BPIFB1: variants seen among roughly 807,000 people sequenced by gnomAD.
The protein encoded by BPIFB1 is BPI fold containing family B member 1, also known as BPI fold-containing family B member 1.
Under a neutral mutation model 55.1 loss-of-function variants are expected in BPIFB1, and 34 were observed. That is an observed-to-expected ratio of 0.62 (90% confidence interval 0.47 to 0.82). The LOEUF is 0.82. Ranked by LOEUF, BPIFB1 falls within the 40% of genes least tolerant of loss-of-function variation. The probability of loss-of-function intolerance (pLI) is 0.00; values close to 1 mark genes in which losing one functional copy is unlikely to be tolerated. For missense variants in BPIFB1, 532 were observed against 593.1 expected (o/e 0.90, Z 1.07); for synonymous variants, 236 against 245.3 (o/e 0.96, Z 0.35).
chr20:33,299,893 G>A lies in BPIFB1; in HGVS notation c.662-6G>A, dbSNP rs755120416. 6.2e-7 allele frequency: 1 copy of A among 1,613,518 alleles called. No homozygotes were observed. Among genetic ancestry groups the A allele is most frequent in the Admixed American group, 1.7e-5 (1 of 59,982 alleles). Reference sequence around the variant, plus strand: ...CTCACAGAACTTTCTTCTTGTCCTTGAGCAGTGCCCATTTCCCTCAGCATT... The same window carrying A: ...CTCACAGAACTTTCTTCTTGTCCTTAAGCAGTGCCCATTTCCCTCAGCATT... On this transcript the variant is annotated splice_region_variant and splice_polypyrimidine_tract_variant and intron_variant, in intron 7 of 15. Coordinates refer to ENST00000253354, the MANE Select transcript of BPIFB1 (RefSeq NM_033197.3).
rs373623679 is a variant in BPIFB1, at chr20:33,304,015, A to G, written c.1198A>G (p.Asn400Asp). The G allele has an allele frequency of 1.6e-5, 26 of 1,612,844 alleles. 1 individual carries two copies. Reference protein sequence around the residue: ...TKGDQLILNLNNISSDRIQLM... With the variant: ...TKGDQLILNLDNISSDRIQLM... ...AGGTGACCAACTTATACTCAACTTGAATAACATCAGGTAAACACACAAATC... is the reference window on the plus strand; with the variant it reads ...AGGTGACCAACTTATACTCAACTTGGATAACATCAGGTAAACACACAAATC... Residue 400 changes from asparagine (N) to aspartate (D), a missense_variant, in exon 12 of 16, where the codon AAT (asparagine) becomes GAT (aspartate). Asn to Asp is a conservative substitution (Grantham distance 23, BLOSUM62 1). Transcript: ENST00000253354.
Position 33,286,120 on chromosome 20 carries a change from C to T in BPIFB1, c.47C>T (p.Ala16Val), listed in dbSNP as rs1157668907. ...ACCCTTCTCTGTGGTTTGCTGGCAG[C>T]CACCTTGATCCAAGCCACCCTCAGT... ...TFTLLCGLLA[A>V]TLIQATLSPT... The change falls in exon 2 of 16, where the codon GCC (alanine) becomes GTC (valine). Residue 16 changes from alanine (A) to valine (V), a missense_variant. Physicochemically the swap from Ala to Val is moderately conservative, Grantham distance 64 (BLOSUM62 0). Transcript: ENST00000253354. The T allele has an allele frequency of 6.2e-7, 1 of 1,614,196 alleles. No homozygotes were observed. Among genetic ancestry groups the T allele is most frequent in the African/African-American group, 1.3e-5 (1 of 75,056 alleles).
chr20:33,289,438 A>C (rs1980382055), intron 3 of BPIFB1, among the ~76,000 whole-genome samples: 1 of 151,562 alleles, frequency 6.6e-6, no homozygotes, highest in Non-Finnish European at 1.5e-5. Context: ...CTGGGGTGGC[A>C]CAGGGAAGGG....
rs1030585847 is a variant in BPIFB1, at chr20:33,285,441, C to T, written c.-41-592C>T. Among the ~76,000 whole-genome samples, 8 of 151,850 alleles carry T rather than the reference C, an allele frequency of 5.3e-5. No individual in the cohort carries two copies. The South Asian group carries it at 6.2e-4, about 12-fold the overall frequency. On this transcript the variant is annotated intron_variant, in intron 1 of 15. Transcript: ENST00000253354. ...GAAAATAGCTAATACAGGCTGGGCG[C>T]GGTGGCTCACGCCTGTAATCCCAGC...
intron 14 of BPIFB1, chr20:33,306,653 C>A (rs904709150): frequency 1.0e-5 from 5 of 499,392 alleles, no homozygotes; most frequent in Non-Finnish European, 1.4e-5. Context: ...AATGGGAGCC[C>A]CTGATGGTTC....
intron 6 of BPIFB1, among the ~76,000 whole-genome samples, chr20:33,293,765 T>G (rs1356794279): frequency 6.6e-6 from 1 of 152,152 alleles, no homozygotes; most frequent in Non-Finnish European, 1.5e-5. Context: ...CGCTTGAGTC[T>G]AGGATGTTGA....
intron 6 of BPIFB1, among the ~76,000 whole-genome samples, chr20:33,294,020 T>C (rs928407240): frequency 1.3e-5 from 2 of 152,206 alleles, no homozygotes; most frequent in Non-Finnish European, 2.9e-5. Flanking sequence ...CTGTACAATA[T>C]ACTATTACGT....
chr20:33,288,312 A>G (rs1980337265), intron 2 of BPIFB1, among the ~76,000 whole-genome samples: 1 of 152,158 alleles, frequency 6.6e-6, no homozygotes, highest in African/African-American at 2.4e-5. Context: ...CAACACATCC[A>G]TAGGATATGG....
intron 4 of BPIFB1, 32 bp from the exon 5 acceptor site, chr20:33,290,925 T>C: frequency 6.2e-7 from 1 of 1,608,384 alleles, no homozygotes; most frequent in Non-Finnish European, 8.5e-7. Flanking sequence ...GCTTGCCTGG[T>C]GCTCACATGG....
intron 1 of BPIFB1, among the ~76,000 whole-genome samples, chr20:33,285,057 C>T (rs754494622): frequency 1.3e-5 from 2 of 152,166 alleles, no homozygotes; most frequent in Admixed American, 6.5e-5. Flanking sequence ...CCCAGGACAA[C>T]ATTTCTCCAA....
intron 6 of BPIFB1, among the ~76,000 whole-genome samples, chr20:33,295,575 G>C (rs753449806): frequency 2.0e-5 from 3 of 150,736 alleles, no homozygotes; most frequent in Non-Finnish European, 4.4e-5. Context: ...GTTGCAGTGA[G>C]CCGAGATTGC....
At chr20:33,299,348 G>T (rs113965652) in intron 7 of BPIFB1, 6 of 334,314 alleles carry the variant, frequency 1.8e-5, no homozygotes, top group African/African-American at 5.7e-5. Context: ...CGAGATCTTT[G>T]GGGGGAGCAG....
chr20:33,308,493 TACAC>T (rs770591484), intron 15 of BPIFB1, among the ~76,000 whole-genome samples: 4 of 147,460 alleles, frequency 2.7e-5, no homozygotes, highest in Middle Eastern at 3.6e-3. Flanking sequence ...TACACATACA[TACAC>T]ACGCACATAC....
chr20:33,299,238 G>C (rs1356736393), intron 7 of BPIFB1: 1 of 450,664 alleles, frequency 2.2e-6, no homozygotes, highest in Non-Finnish European at 4.5e-6. Context: ...GTAGGCGGCC[G>C]GTCCCTGGCC....
intron 2 of BPIFB1, among the ~76,000 whole-genome samples, chr20:33,287,012 G>A (rs973702358): frequency 5.3e-5 from 8 of 152,234 alleles, no homozygotes; most frequent in Non-Finnish European, 1.0e-4. Flanking sequence ...CCTGGGTCAT[G>A]GCCAGAGGGG....
At chr20:33,297,157 G>A (rs761606440) in intron 6 of BPIFB1, among the ~76,000 whole-genome samples, 35 of 152,218 alleles carry the variant, frequency 2.3e-4, no homozygotes, top group Non-Finnish European at 4.0e-4. Context: ...CTGGCCTCAA[G>A]CGATCCACCC....
rs186909761 is a variant in BPIFB1, at chr20:33,289,414, C to T, written c.258-471C>T. On this transcript the variant is annotated intron_variant, in intron 3 of 15. Transcript: ENST00000253354. ...AAAAAACAAAAAAAAAAAAACAACC[C>T]AGAGCAAGGTTGTCTGGGGTGGCAC... is the stretch of plus-strand genomic sequence containing the variant. 9.6e-3 allele frequency among the ~76,000 whole-genome samples: 1,458 copies of T among 151,240 alleles called. 25 individuals carry two copies. Among genetic ancestry groups the T allele is most frequent in the Middle Eastern group, 0.031 (9 of 290 alleles).
At chr20:33,283,918 G>A (rs747364177) in intron 1 of BPIFB1, among the ~76,000 whole-genome samples, 23 of 152,128 alleles carry the variant, frequency 1.5e-4, no homozygotes, top group Non-Finnish European at 2.5e-4. Context: ...TGAGCAGTGT[G>A]TACAGATAAT....
intron 8 of BPIFB1, 90 bp from the exon 9 acceptor site, chr20:33,301,143 C>T (rs370377285): frequency 1.5e-6 from 2 of 1,310,320 alleles, no homozygotes; most frequent in Admixed American, 2.1e-5. Context: ...AAAAAGGAAA[C>T]AGGCTGAATG....
Sources: gnomAD v4.1 joint callset for allele counts (sites outside exome capture counted in the v4.1 genomes callset) on GRCh38, gnomAD v4.1.1 for gene constraint, MANE v1.5 for transcripts, NCBI Gene and HGNC (gene_info 2026-07-23, HGNC 2026-07-21) for gene names.